EPHA5: variants seen among roughly 807,000 people sequenced by gnomAD.
EPHA5 encodes ephrin type-A receptor 5.
Under a neutral mutation model 105.0 loss-of-function variants are expected in EPHA5, and 60 were observed. The ratio of observed to expected loss-of-function variants is 0.57; its 90% CI spans 0.46 to 0.71. The LOEUF (loss-of-function observed/expected upper bound fraction) is 0.71. Ranked by LOEUF, EPHA5 falls within the 30% of genes least tolerant of loss-of-function variation. EPHA5 has a pLI of 0.00. For missense variants in EPHA5, 1,218 were observed against 1,274.7 expected, an observed-to-expected ratio of 0.96 and a Z score of 0.68; for synonymous variants, 513 against 449.1, an observed-to-expected ratio of 1.14 and a Z score of -1.80.
At chr4:65,386,224 T>C (rs552333568) in intron 8 of EPHA5, among the ~76,000 whole-genome samples, 1 of 152,060 alleles carries the variant, frequency 6.6e-6, no homozygotes, top group South Asian at 2.1e-4. Context: ...ACAAAACAGA[T>C]GTTAAAACAG....
chr4:65,542,589 C>A (rs973584517), intron 3 of EPHA5, among the ~76,000 whole-genome samples: 3 of 151,730 alleles, frequency 2.0e-5, no homozygotes, highest in Admixed American at 6.6e-5. Flanking sequence ...AGTAGTCTAC[C>A]AACCAAAGAA....
intron 5 of EPHA5, among the ~76,000 whole-genome samples, chr4:65,421,823 G>T (rs1349754470): frequency 6.6e-6 from 1 of 152,036 alleles, no homozygotes; most frequent in Non-Finnish European, 1.5e-5. Context: ...AATATTTGTT[G>T]AATGAATTGA....
At chr4:65,601,521 G>T in intron 3 of EPHA5, 120 bp downstream of exon 3, 1 of 1,021,062 alleles carries the variant, frequency 9.8e-7, no homozygotes, top group Admixed American at 2.5e-5. Context: ...AAACTTGAGA[G>T]AAATAATCTC....
At chr4:65,550,120 A>T (rs900774873) in intron 3 of EPHA5, among the ~76,000 whole-genome samples, 2 of 151,956 alleles carry the variant, frequency 1.3e-5, no homozygotes, top group African/African-American at 4.8e-5. Flanking sequence ...TTATTTGTTA[A>T]ATAATATTAG....
chr4:65,385,559 T>A (rs1719996295), intron 8 of EPHA5, among the ~76,000 whole-genome samples: 1 of 151,928 alleles, frequency 6.6e-6, no homozygotes, highest in African/African-American at 2.4e-5. Context: ...CTACATTCTG[T>A]TTTTTATTAG....
At position 65,479,026 on chromosome 4, in the gene EPHA5, G is replaced by A. The variant is rs552446679; in HGVS notation, c.1402+11351C>T. 1.1e-4 allele frequency among the ~76,000 whole-genome samples: 16 copies of A among 152,100 alleles called. No individual in the cohort carries two copies. The South Asian group carries it at 3.3e-3, about 32-fold the overall frequency. On this transcript the variant is annotated intron_variant, in intron 5 of 16. Transcript: ENST00000613740. Reference sequence around the variant, plus strand: ...CCTCTTTCCATTTTACTTTACCAATGAGTCTGTCTATATAATATTCATGAA... The same window carrying A: ...CCTCTTTCCATTTTACTTTACCAATAAGTCTGTCTATATAATATTCATGAA...
chr4:65,332,003 G>A lies in EPHA5; in HGVS notation c.2915C>T (p.Ser972Leu), dbSNP rs74487329. ...TEIFMENGYS[S>L]MDAVAQVTLE... ...GGTCACCTGAGCCACAGCGTCCATT[G>A]AACTGTATCCATTTTCCATGAAAAT... The change falls in exon 16 of 17, where the codon TCA becomes TTA. Residue 972 changes from serine to leucine, a missense_variant. Ser to Leu is a moderately radical substitution (Grantham distance 145). Transcript: ENST00000613740. 6.2e-7 allele frequency: 1 copy of A among 1,611,080 alleles called. No homozygotes were observed. Among genetic ancestry groups the A allele is most frequent in the Non-Finnish European group, 8.5e-7 (1 of 1,178,358 alleles).
At chr4:65,570,981 T>C (rs1197146022) in intron 3 of EPHA5, among the ~76,000 whole-genome samples, 1 of 151,992 alleles carries the variant, frequency 6.6e-6, no homozygotes, top group Non-Finnish European at 1.5e-5. Flanking sequence ...AGAAAGATCA[T>C]AGCAATCATT....
intron 3 of EPHA5, among the ~76,000 whole-genome samples, chr4:65,592,075 A>G (rs1283802393): frequency 6.6e-6 from 1 of 152,132 alleles, no homozygotes; most frequent in Non-Finnish European, 1.5e-5. Flanking sequence ...GAGCTATAAA[A>G]TTTAGAATTC....
chr4:65,482,794 G>T (rs550149999), intron 5 of EPHA5, among the ~76,000 whole-genome samples: 1 of 151,814 alleles, frequency 6.6e-6, no homozygotes, highest in Non-Finnish European at 1.5e-5. Context: ...TGTTAGTATT[G>T]CACATCTTCT....
At chr4:65,490,306 G>T in intron 5 of EPHA5, 71 bp downstream of exon 5, 1 of 1,415,180 alleles carries the variant, frequency 7.1e-7, no homozygotes, top group Non-Finnish European at 9.7e-7. Flanking sequence ...CAGTCAACTT[G>T]GCCGTCAGCT....
At chr4:65,501,345 T>C (rs1732468309) in intron 3 of EPHA5, among the ~76,000 whole-genome samples, 1 of 151,546 alleles carries the variant, frequency 6.6e-6, no homozygotes, top group African/African-American at 2.4e-5. Flanking sequence ...TGTTATTATG[T>C]ACTTAGAAAA....
rs1352645062 is a variant in EPHA5, at chr4:65,602,242, T to A, written c.309A>T (p.Lys103Asn). The A allele has an allele frequency of 1.9e-6, 3 of 1,612,498 alleles. No homozygotes were observed. Among genetic ancestry groups the A allele is most frequent in the Non-Finnish European group, 2.5e-6 (3 of 1,179,986 alleles). The change falls in exon 3 of 17, where the codon AAA becomes AAT. Residue 103 changes from lysine (K) to asparagine (N), a missense_variant. Physicochemically the swap from Lys to Asn is moderately conservative, Grantham distance 94. Coordinates refer to ENST00000613740, the MANE Select transcript of EPHA5 (RefSeq NM_001281766.3). ...YAPIHTYQVC[K>N]VMEQNQNNWL... Reference sequence around the variant, plus strand: ...AGTTATTCTGATTCTGTTCCATCACTTTGCATACTTGGTATGTGTGGATAG... The same window carrying A: ...AGTTATTCTGATTCTGTTCCATCACATTGCATACTTGGTATGTGTGGATAG...
chr4:65,515,910 T>C (rs4132314), intron 3 of EPHA5, among the ~76,000 whole-genome samples: 41,332 of 151,972 alleles, frequency 0.27, 6,454 homozygotes, highest in Middle Eastern at 0.43. Flanking sequence ...GAATTCAATA[T>C]CTCTTCTTGA....
At chr4:65,624,188 G>T (rs1159576882) in intron 2 of EPHA5, among the ~76,000 whole-genome samples, 1 of 151,920 alleles carries the variant, frequency 6.6e-6, no homozygotes, top group African/African-American at 2.4e-5. Flanking sequence ...GATAATAAAG[G>T]TAATAGTAAA....
chr4:65,460,107 T>G (rs2149128446), intron 5 of EPHA5, among the ~76,000 whole-genome samples: 1 of 151,788 alleles, frequency 6.6e-6, no homozygotes, highest in East Asian at 1.9e-4. Flanking sequence ...TAATCTAATG[T>G]AAAGATAATT....
rs1726670167 is a variant in EPHA5, at chr4:65,447,564, A to G, written c.1403-26999T>C. 1.3e-5 allele frequency among the ~76,000 whole-genome samples: 2 copies of G among 151,646 alleles called. 1 individual carries two copies. Among genetic ancestry groups the G allele is most frequent in the South Asian group, 4.1e-4 (2 of 4,826 alleles). On this transcript the variant is annotated intron_variant, in intron 5 of 16. Coordinates refer to ENST00000613740, the MANE Select transcript of EPHA5 (RefSeq NM_001281766.3). ...TAAAATTTTATTGAAGCAAAAATTG[A>G]CAAAAACTGGAAGACCTCTAAATCT... is the stretch of plus-strand genomic sequence containing the variant.
At chr4:65,553,147 A>G (rs942352657) in intron 3 of EPHA5, among the ~76,000 whole-genome samples, 1 of 152,086 alleles carries the variant, frequency 6.6e-6, no homozygotes, top group Admixed American at 6.6e-5. Context: ...CTCAATGATG[A>G]GTTTAGGAAT....
intron 3 of EPHA5, among the ~76,000 whole-genome samples, chr4:65,586,913 C>A (rs1309495855): frequency 6.6e-6 from 1 of 152,040 alleles, no homozygotes; most frequent in Non-Finnish European, 1.5e-5. Flanking sequence ...CCCATTAGAA[C>A]ATAAGGACAT....
Sources: gnomAD v4.1 joint callset for allele counts (sites outside exome capture counted in the v4.1 genomes callset) on GRCh38, gnomAD v4.1.1 for gene constraint, MANE v1.5 for transcripts, NCBI Gene and HGNC (gene_info 2026-07-23, HGNC 2026-07-21) for gene names.